Variants in RAD51B observed in about 807,000 individuals in gnomAD.
The protein encoded by RAD51B is RAD51 paralog B.
Under a neutral mutation model 42.2 loss-of-function variants are expected in RAD51B, and 38 were observed. That is an observed-to-expected ratio of 0.90 (90% CI 0.70 to 1.18). RAD51B has a LOEUF of 1.18. Among genes scored for constraint, RAD51B ranks in the 50% most tolerant of loss-of-function variants. The pLI, the probability that RAD51B is intolerant of heterozygous loss-of-function variation, is 0.00. For synonymous variants in RAD51B, 154 were observed against 145.2 expected (o/e 1.06, Z -0.43); for missense variants, 373 against 400.7 (o/e 0.93, Z 0.59).
At chr14:68,067,751 A>C (rs2076677048) in intron 7 of RAD51B, among the ~76,000 whole-genome samples, 1 of 151,456 alleles carries the variant, frequency 6.6e-6, no homozygotes, top group Non-Finnish European at 1.5e-5. Flanking sequence ...GCAACACAGC[A>C]AGACCCCATC....
chr14:68,104,390 C>A (rs2077342103), intron 7 of RAD51B, among the ~76,000 whole-genome samples: 1 of 152,064 alleles, frequency 6.6e-6, no homozygotes, highest in African/African-American at 2.4e-5. Context: ...GTTCTTTGAG[C>A]AAGGCCTTAG....
At chr14:68,143,809 T>C (rs1370309478) in intron 7 of RAD51B, among the ~76,000 whole-genome samples, 1 of 152,202 alleles carries the variant, frequency 6.6e-6, no homozygotes, top group African/African-American at 2.4e-5. Flanking sequence ...GTATTGTAAG[T>C]GTGTGTGGAC....
At chr14:68,001,854 G>A (rs764782578) in intron 7 of RAD51B, among the ~76,000 whole-genome samples, 2 of 152,186 alleles carry the variant, frequency 1.3e-5, no homozygotes, top group East Asian at 1.9e-4. Context: ...AGTTCCATCC[G>A]TGTCCCTGCA....
rs544769728 is a variant in RAD51B at position 68,139,488 on chromosome 14, C to T, written c.757-152396C>T. On this transcript the variant is annotated intron_variant, in intron 7 of 10. Transcript: ENST00000471583. ...TAACAGCAGTGCTTATTTTTCAAAA[C>T]CCTTTGATTGAGACAAAAAAAAAAG... 4.6e-5 allele frequency among the ~76,000 whole-genome samples: 7 copies of T among 152,230 alleles called. No homozygotes were observed. The East Asian group carries it at 1.3e-3, about 29-fold the overall frequency.
At chr14:67,854,226 A>G (rs1203846373) in intron 4 of RAD51B, among the ~76,000 whole-genome samples, 1 of 152,228 alleles carries the variant, frequency 6.6e-6, no homozygotes, top group Non-Finnish European at 1.5e-5. Context: ...TTATACATAA[A>G]AGAGTAAAAT....
In RAD51B at chr14:68,537,703, T is replaced by C. The variant is rs575755019; in HGVS notation, c.1037-56782T>C. Among the ~76,000 whole-genome samples, 3 of 152,314 alleles carry C rather than the reference T, an allele frequency of 2.0e-5. 1 individual carries two copies. The South Asian group carries it at 6.2e-4, about 32-fold the overall frequency. On this transcript the variant is annotated intron_variant, in intron 10 of 10. Coordinates refer to the RAD51B transcript ENST00000487270. ...CATATCTTGAGATTAAAAAGACAAT[T>C]AATGGGATATTTTGAGTGAGACCTT...
At chr14:68,267,938 C>G (rs2081026134) in intron 7 of RAD51B, among the ~76,000 whole-genome samples, 1 of 151,302 alleles carries the variant, frequency 6.6e-6, no homozygotes, top group Non-Finnish European at 1.5e-5. Context: ...CCAAACTTTT[C>G]AGATGTCAAA....
intron 8 of RAD51B, among the ~76,000 whole-genome samples, chr14:68,380,394 G>A (rs1432152920): frequency 1.3e-5 from 2 of 152,156 alleles, no homozygotes; most frequent in Non-Finnish European, 2.9e-5. Flanking sequence ...TCTCACTTGG[G>A]GAGTAAAAGC....
intron 7 of RAD51B, among the ~76,000 whole-genome samples, chr14:68,258,443 T>TCACA (rs56704300): frequency 6.7e-6 from 1 of 149,986 alleles, no homozygotes; most frequent in Non-Finnish European, 1.5e-5. Flanking sequence ...TCTCTCTCTC[T>TCACA]CACACACACA....
At chr14:68,215,105 T>C (rs2079786447) in intron 7 of RAD51B, among the ~76,000 whole-genome samples, 1 of 152,226 alleles carries the variant, frequency 6.6e-6, no homozygotes, top group Admixed American at 6.5e-5. Context: ...AAAGATAGTA[T>C]GTTCAATTCT....
At chr14:67,966,129 A>G (rs1189490448) in intron 7 of RAD51B, among the ~76,000 whole-genome samples, 1 of 152,190 alleles carries the variant, frequency 6.6e-6, no homozygotes, top group Non-Finnish European at 1.5e-5. Context: ...TCAAGAATTA[A>G]AAGAAAACTC....
In RAD51B at chr14:67,933,785, G is replaced by A. The variant is rs186199231; in HGVS notation, c.756+46581G>A. On this transcript the variant is annotated intron_variant, in intron 7 of 10. Transcript: ENST00000471583. ...TTTTGGTTATATATTAGTAATTTTGGTTCTTTCTGGAGAGGGTGAGTGTCC... is the reference window on the plus strand; with the variant it reads ...TTTTGGTTATATATTAGTAATTTTGATTCTTTCTGGAGAGGGTGAGTGTCC... 2.3e-3 allele frequency among the ~76,000 whole-genome samples: 347 copies of A among 152,222 alleles called. 1 individual carries two copies. Among genetic ancestry groups the A allele is most frequent in the African/African-American group, 8.1e-3 (336 of 41,530 alleles).
rs535285900 is a variant in RAD51B at position 68,186,144 on chromosome 14, G to A, written c.757-105740G>A. ...TCACTGGTCAATAAATACTGCTGGG[G>A]TTGTTGGCTAGCCATATGCAGAAGA... On this transcript the variant is annotated intron_variant, in intron 7 of 10. Coordinates refer to ENST00000471583, the MANE Select transcript of RAD51B (RefSeq NM_133510.4). 8.5e-5 allele frequency among the ~76,000 whole-genome samples: 13 copies of A among 152,264 alleles called. No homozygotes were observed. The East Asian group carries it at 2.5e-3, about 29-fold the overall frequency.
At chr14:67,899,823 T>C (rs373316669) in intron 7 of RAD51B, among the ~76,000 whole-genome samples, 2 of 152,226 alleles carry the variant, frequency 1.3e-5, no homozygotes, top group South Asian at 4.1e-4. Flanking sequence ...ATTCCCTTTT[T>C]ATAGTTGAAG....
intron 10 of RAD51B, chr14:68,561,858 T>C (rs1412515075): frequency 4.3e-6 from 3 of 695,572 alleles, no homozygotes; most frequent in Non-Finnish European, 5.3e-6. Context: ...CTGGTCTCTG[T>C]AGTTTCCTCT....
At chr14:68,102,697 T>C (rs996818393) in intron 7 of RAD51B, among the ~76,000 whole-genome samples, 4 of 152,232 alleles carry the variant, frequency 2.6e-5, no homozygotes, top group East Asian at 3.8e-4. Flanking sequence ...TTCTTTCTTC[T>C]TCTGAGCCCT....
intron 9 of RAD51B, among the ~76,000 whole-genome samples, chr14:68,467,762 A>T (rs2086021038): frequency 6.6e-6 from 1 of 152,272 alleles, no homozygotes; most frequent in South Asian, 2.1e-4. Flanking sequence ...AGTTATTTTG[A>T]ATATTTGCAG....
chr14:68,032,758 C>T (rs1330626384), intron 7 of RAD51B, among the ~76,000 whole-genome samples: 1 of 152,182 alleles, frequency 6.6e-6, no homozygotes, highest in Non-Finnish European at 1.5e-5. Context: ...CCTTTATAAA[C>T]ATTCTAATGA....
intron 7 of RAD51B, chr14:67,887,440 T>G: frequency 2.9e-6 from 1 of 345,902 alleles, no homozygotes; most frequent in Non-Finnish European, 5.2e-6. Context: ...TTAAACGATG[T>G]TTTTAAAAGT....
Sources: allele counts gnomAD v4.1 joint callset (sites outside exome capture counted in the v4.1 genomes callset), GRCh38; gene constraint gnomAD v4.1.1; transcripts MANE v1.5; gene names NCBI Gene and HGNC (gene_info 2026-07-23, HGNC 2026-07-21).